Variants in ZNF646 observed in about 807,000 individuals in gnomAD.
ZNF646 encodes zinc finger protein 646.
Under a neutral mutation model 115.4 loss-of-function variants are expected in ZNF646, and 49 were observed. The observed-to-expected ratio is 0.42, with a 90% CI of 0.34 to 0.54. The LOEUF (loss-of-function observed/expected upper bound fraction) is 0.54, where lower values mean the gene tolerates loss of function less well. ZNF646 is among the 20% of genes least tolerant of loss of function. The pLI is 0.04. For missense variants in ZNF646, 2,269 were observed against 2,457.9 expected (o/e 0.92, Z 1.62); for synonymous variants, 933 against 939.0 (o/e 0.99, Z 0.12).
upstream of ZNF646, chr16:31,073,358 G>C (rs898877458): frequency 6.6e-6 from 1 of 151,076 alleles, no homozygotes; most frequent in African/African-American, 2.4e-5. Flanking sequence ...CACGCGACCG[G>C]GACAAAAACC....
chr16:31,083,185 C>T lies in ZNF646; in HGVS notation c.*93C>T. ...TTTTCTCAGGAGTAGTTCGGGCATCCCCATATCTTCTCCTCTCCCCTTGTG... is the reference window on the plus strand; with the variant it reads ...TTTTCTCAGGAGTAGTTCGGGCATCTCCATATCTTCTCCTCTCCCCTTGTG... On this transcript the variant is annotated 3_prime_UTR_variant, in exon 3 of 3. Coordinates refer to ENST00000300850, the MANE Select transcript of ZNF646 (RefSeq NM_014699.4). The T allele has an allele frequency of 1.3e-6, 2 of 1,497,244 alleles. No homozygotes were observed. Among genetic ancestry groups the T allele is most frequent in the South Asian group, 1.3e-5 (1 of 74,530 alleles). 92.7% of individuals were successfully genotyped at this position (1,497,244 alleles called of 1,614,324 possible).
In ZNF646 at chr16:31,077,656, G is replaced by A. The variant is rs774545038; in HGVS notation, c.1332G>A (p.Leu444=). The part of the protein sequence containing the change: ...GQPSVPPAPL[L]LAETTHKEEE... ...CATCAGTCCCACCAGCTCCCCTGCT[G>A]CTGGCTGAGACCACCCACAAAGAGG... Residue 444 remains leucine, a synonymous_variant, in exon 2 of 3, where the codon CTG becomes CTA. Transcript: ENST00000300850. 6.2e-7 allele frequency: 1 copy of A among 1,614,032 alleles called. No homozygotes were observed. The highest frequency in any genetic ancestry group is 8.5e-7 in the Non-Finnish European group (1 of 1,180,004).
Position 31,081,681 on chromosome 16 carries a change from A to G in ZNF646, c.5357A>G (p.Glu1786Gly), listed in dbSNP as rs2057161508. The part of the protein sequence containing the change: ...FVQHQQQHQE[E>G]WTVAGSGAPV... Reference sequence around the variant, plus strand: ...CAGCACCAGCAGCAGCACCAGGAGGAGTGGACGGTGGCCGGCTCCGGTAGG... The same window carrying G: ...CAGCACCAGCAGCAGCACCAGGAGGGGTGGACGGTGGCCGGCTCCGGTAGG... Residue 1786 changes from glutamate to glycine, a missense_variant, in exon 2 of 3, where the codon GAG (glutamate) becomes GGG (glycine). This residue lies in a region of ZNF646 where 1,062 missense variants were observed against 1,172.8 expected (regional missense o/e 0.91). Transcript: ENST00000300850. 2 of 1,594,460 alleles carry G rather than the reference A, an allele frequency of 1.3e-6. No homozygotes were observed.
At position 31,075,269 on chromosome 16, in the gene ZNF646, G is replaced by A. The variant is rs75828988; in HGVS notation, c.-80+638G>A. On this transcript the variant is annotated intron_variant, in intron 1 of 2. Coordinates refer to ENST00000300850, the MANE Select transcript of ZNF646 (RefSeq NM_014699.4). ...AGATAGTTTGAGTTCAAGGGAAGTA[G>A]ATAAAAGAAGTCGCTAAGAGAGTCT... 1.2e-3 allele frequency among the ~76,000 whole-genome samples: 179 copies of A among 152,288 alleles called. 1 individual carries two copies. The highest frequency in any genetic ancestry group is 2.7e-3 in the Admixed American group (42 of 15,300).
In ZNF646 at chr16:31,081,142, T is replaced by C; in HGVS notation, c.4818T>C (p.Ala1606=). ...SHQELASHLQ[A]HARGHSQVPA... ...AGGAACTGGCCAGCCACCTGCAGGCTCATGCCCGGGGCCACAGCCAGGTGC... is the reference window on the plus strand; with the variant it reads ...AGGAACTGGCCAGCCACCTGCAGGCCCATGCCCGGGGCCACAGCCAGGTGC... The change falls in exon 2 of 3, where the codon GCT becomes GCC. Residue 1606 remains alanine, a synonymous_variant. Coordinates refer to ENST00000300850, the MANE Select transcript of ZNF646 (RefSeq NM_014699.4). 6.2e-7 allele frequency: 1 copy of C among 1,604,456 alleles called. No homozygotes were observed. Among genetic ancestry groups the C allele is most frequent in the Non-Finnish European group, 8.5e-7 (1 of 1,173,898 alleles).
Position 31,080,983 on chromosome 16 carries a change from G to A in ZNF646, c.4659G>A (p.Lys1553=), listed in dbSNP as rs752801120. 5.0e-6 allele frequency: 8 copies of A among 1,614,100 alleles called. No individual in the cohort carries two copies. In the South Asian group the frequency reaches 8.8e-5, roughly 18 times the overall value. ...SGSLLNHNTN[K]TDRHYCLLCS... ...GCCTCTTGAACCACAACACCAACAA[G>A]ACAGACCGACACTATTGCCTGCTCT... The change falls in exon 2 of 3, where the codon AAG becomes AAA. Residue 1553 remains lysine (K), a synonymous_variant. Transcript: ENST00000300850.
chr16:31,081,664 G>T lies in ZNF646; in HGVS notation c.5340G>T (p.Gln1780His). The T allele has an allele frequency of 6.2e-7, 1 of 1,602,540 alleles. No homozygotes were observed. The highest frequency in any genetic ancestry group is 8.5e-7 in the Non-Finnish European group (1 of 1,173,398). Reference sequence around the variant, plus strand: ...GCCGAATCAGCTTCGTGCAGCACCAGCAGCAGCACCAGGAGGAGTGGACGG... The same window carrying T: ...GCCGAATCAGCTTCGTGCAGCACCATCAGCAGCACCAGGAGGAGTGGACGG... ...FRRRISFVQH[Q>H]QQHQEEWTVA... Residue 1780 changes from glutamine to histidine, a missense_variant, in exon 2 of 3, where the codon CAG becomes CAT. Gln to His is a conservative substitution (Grantham distance 24, BLOSUM62 0). Coordinates refer to ENST00000300850, the MANE Select transcript of ZNF646 (RefSeq NM_014699.4).
Position 31,078,884 on chromosome 16 carries a change from C to T in ZNF646, c.2560C>T (p.Pro854Ser). The change falls in exon 2 of 3, where the codon CCG becomes TCG. Residue 854 changes from proline to serine, a missense_variant. Pro to Ser is a moderately conservative substitution (Grantham distance 74, BLOSUM62 -1). This residue lies in a region of ZNF646 where 852 missense variants were observed against 900.2 expected (regional missense o/e 0.95). Transcript: ENST00000300850. ...PPGIYQCSLC[P>S]KEFDSLPALR... is the part of the protein sequence containing the mutation. ...AGGCATCTATCAGTGCTCCCTCTGCCCGAAGGAGTTTGACTCTCTGCCTGC... is the reference window on the plus strand; with the variant it reads ...AGGCATCTATCAGTGCTCCCTCTGCTCGAAGGAGTTTGACTCTCTGCCTGC... 6.2e-7 allele frequency: 1 copy of T among 1,613,966 alleles called. No homozygotes were observed. Among genetic ancestry groups the T allele is most frequent in the Non-Finnish European group, 8.5e-7 (1 of 1,180,036 alleles).
At position 31,079,607 on chromosome 16, in the gene ZNF646, C is replaced by T. The variant is rs148231180; in HGVS notation, c.3283C>T (p.Arg1095Cys). Residue 1095 changes from arginine (R) to cysteine (C), a missense_variant, in exon 2 of 3, where the codon CGT becomes TGT. By Grantham distance (180) the Arg-to-Cys change is radical. This residue lies in a region of ZNF646 where 1,062 missense variants were observed against 1,172.8 expected (regional missense o/e 0.91). Coordinates refer to ENST00000300850, the MANE Select transcript of ZNF646 (RefSeq NM_014699.4). The surrounding 1 kb of genome is among the most constrained non-coding windows in gnomAD (Gnocchi z 5.5). ...SRCYPNLAAY[R>C]NHLRNHPRCK... is the part of the protein sequence containing the mutation. ...CTGCTACCCCAACCTGGCTGCCTACCGTAATCATCTGCGGAACCACCCTCG... is the reference window on the plus strand; with the variant it reads ...CTGCTACCCCAACCTGGCTGCCTACTGTAATCATCTGCGGAACCACCCTCG... The T allele has an allele frequency of 9.5e-5, 154 of 1,613,380 alleles. No homozygotes were observed. In the East Asian group the frequency reaches 2.0e-3, roughly 21 times the overall value.
At chr16:31,075,459 G>A (rs142109994) in intron 1 of ZNF646, among the ~76,000 whole-genome samples, 74 of 152,144 alleles carry the variant, frequency 4.9e-4, no homozygotes, top group African/African-American at 1.6e-3. Flanking sequence ...CACCACGCCC[G>A]GCTAATTTTT....
chr16:31,080,607 A>G lies in ZNF646; in HGVS notation c.4283A>G (p.His1428Arg). The change falls in exon 2 of 3, where the codon CAC (histidine) becomes CGC (arginine). Residue 1428 changes from histidine to arginine, a missense_variant. Physicochemically the swap from His to Arg is conservative, Grantham distance 29. Transcript: ENST00000300850. ...TQLGGAEPVP[H>R]LEDGVPRPGE... ...TTGGGTGGTGCTGAGCCAGTACCCCACTTGGAGGATGGAGTCCCAAGGCCA... is the reference window on the plus strand; with the variant it reads ...TTGGGTGGTGCTGAGCCAGTACCCCGCTTGGAGGATGGAGTCCCAAGGCCA... 6.2e-7 allele frequency: 1 copy of G among 1,614,118 alleles called. No individual in the cohort carries two copies. The highest frequency in any genetic ancestry group is 8.5e-7 in the Non-Finnish European group (1 of 1,180,010).
At position 31,080,671 on chromosome 16, in the gene ZNF646, A is replaced by G; in HGVS notation, c.4347A>G (p.Ser1449=). The G allele has an allele frequency of 6.2e-7, 1 of 1,614,036 alleles. No individual in the cohort carries two copies. The highest frequency in any genetic ancestry group is 1.1e-5 in the South Asian group (1 of 91,084). The stretch of plus-strand genomic sequence containing the variant: ...AGAGCCCCATCAGGGCAGCAAGCTC[A>G]GAAGCCCCAGAGCCACTGTCCTGGG... ...RSQSPIRAAS[S]EAPEPLSWGA... is the part of the protein sequence containing the mutation. Residue 1449 remains serine (S), a synonymous_variant, in exon 2 of 3, where the codon TCA becomes TCG. Transcript: ENST00000300850.
rs762277884 is a variant in ZNF646 at position 31,077,544 on chromosome 16, C to A, written c.1220C>A (p.Ser407Tyr). The change falls in exon 2 of 3, where the codon TCT becomes TAT. Residue 407 changes from serine (S) to tyrosine (Y), a missense_variant. Physicochemically the swap from Ser to Tyr is moderately radical, Grantham distance 144. This residue lies in a region of ZNF646 where 852 missense variants were observed against 900.2 expected (regional missense o/e 0.95). Transcript: ENST00000300850. ...GGTGTCTACCCCTGCTCACTCTGTT[C>A]TAAGCAGCTGTTCAATGCGGCTGCC... is the stretch of plus-strand genomic sequence containing the variant. ...QTGVYPCSLC[S>Y]KQLFNAAALK... is the part of the protein sequence containing the mutation. The A allele has an allele frequency of 6.2e-7, 1 of 1,613,480 alleles. No individual in the cohort carries two copies. Among genetic ancestry groups the A allele is most frequent in the South Asian group, 1.1e-5 (1 of 91,016 alleles).
Position 31,076,835 on chromosome 16 carries a change from A to G in ZNF646, c.511A>G (p.Arg171Gly). ...GTGGGAAGATCTGCCCACCAGACAA[A>G]GAGAAGGCTTGGCAAGCCACCCAGG... Reference protein sequence around the residue: ...GTWEDLPTRQREGLASHPGPE... With the variant: ...GTWEDLPTRQGEGLASHPGPE... Residue 171 changes from arginine (R) to glycine (G), a missense_variant, in exon 2 of 3, where the codon AGA (arginine) becomes GGA (glycine). Physicochemically the swap from Arg to Gly is moderately radical, Grantham distance 125. Around this residue, in one of 5 missense-constraint regions of ZNF646, gnomAD observed 334 missense variants for 323.5 expected, o/e 1.03. Transcript: ENST00000300850. The G allele has an allele frequency of 6.2e-7, 1 of 1,614,120 alleles. No individual in the cohort carries two copies. Among genetic ancestry groups the G allele is most frequent in the Non-Finnish European group, 8.5e-7 (1 of 1,180,026 alleles).
rs2057073989 is a variant in ZNF646 at position 31,076,271 on chromosome 16, G to A, written c.-54G>A. On this transcript the variant is annotated 5_prime_UTR_variant, in exon 2 of 3. It adds an upstream start codon to the 5' untranslated region. Transcript: ENST00000300850. The stretch of plus-strand genomic sequence containing the variant: ...GCCTTGGCCCCTCCACCAGAGGAAG[G>A]TGCTGCCACGTGTCTGCTCCTTCTG... The A allele has an allele frequency of 2.6e-6, 4 of 1,548,388 alleles. No individual in the cohort carries two copies. The highest frequency in any genetic ancestry group is 2.3e-5 in the East Asian group (1 of 44,030).
At position 31,079,271 on chromosome 16, in the gene ZNF646, G is replaced by A. The variant is rs1342752200; in HGVS notation, c.2947G>A (p.Gly983Arg). Reference sequence around the variant, plus strand: ...GCGTCACCACCAAAGTCAGAGTTCTGGGACTACTGCAGACAAGGCTCCCAG... The same window carrying A: ...GCGTCACCACCAAAGTCAGAGTTCTAGGACTACTGCAGACAAGGCTCCCAG... ...LERHHQSQSSGTTADKAPSPL... is the reference protein window; with the variant it reads ...LERHHQSQSSRTTADKAPSPL... The change falls in exon 2 of 3, where the codon GGG becomes AGG. Residue 983 changes from glycine (G) to arginine (R), a missense_variant. Physicochemically the swap from Gly to Arg is moderately radical, Grantham distance 125 (BLOSUM62 -2). Transcript: ENST00000300850. The surrounding 1 kb of genome is among the most constrained non-coding windows in gnomAD (Gnocchi z 5.5). The A allele has an allele frequency of 1.5e-5, 24 of 1,613,984 alleles. No individual in the cohort carries two copies. Among genetic ancestry groups the A allele is most frequent in the Non-Finnish European group, 2.0e-5 (24 of 1,179,980 alleles).
rs757102181 is a variant in ZNF646, at chr16:31,077,702, C to T, written c.1378C>T (p.Leu460=). ...HKEEEDPTTT[L]DHRPYKCSEC... Reference sequence around the variant, plus strand: ...AGAGGAAGAGGACCCCACCACCACCCTGGACCATCGGCCCTATAAGTGCAG... The same window carrying T: ...AGAGGAAGAGGACCCCACCACCACCTTGGACCATCGGCCCTATAAGTGCAG... The change falls in exon 2 of 3, where the codon CTG becomes TTG. Residue 460 remains leucine, a synonymous_variant. Coordinates refer to ENST00000300850, the MANE Select transcript of ZNF646 (RefSeq NM_014699.4). 1 of 1,614,066 alleles carries T rather than the reference C, an allele frequency of 6.2e-7. No homozygotes were observed. Among genetic ancestry groups the T allele is most frequent in the South Asian group, 1.1e-5 (1 of 91,086 alleles).
In ZNF646 at chr16:31,078,147, A is replaced by C; in HGVS notation, c.1823A>C (p.Glu608Ala). ...GAGEKENSRT[E>A]TTMSPPRAFA... The stretch of plus-strand genomic sequence containing the variant: ...GGGGAAAAGGAAAATAGCAGAACAG[A>C]GACCACAATGTCACCTCCTAGGGCC... Residue 608 changes from glutamate (E) to alanine (A), a missense_variant, in exon 2 of 3, where the codon GAG (glutamate) becomes GCG (alanine). Transcript: ENST00000300850. The C allele has an allele frequency of 6.2e-7, 1 of 1,614,102 alleles. No homozygotes were observed. Among genetic ancestry groups the C allele is most frequent in the Non-Finnish European group, 8.5e-7 (1 of 1,180,040 alleles).
Position 31,083,882 on chromosome 16 carries a change from C to G in ZNF646, c.*790C>G. ...GGTCCCTCCCTCCCTCCCCATTCCT[C>G]GAAGGAACAGGGTCTGTCTTGGCCG... On this transcript the variant is annotated 3_prime_UTR_variant, in exon 3 of 3. Transcript: ENST00000300850. The G allele has an allele frequency of 1.9e-6, 3 of 1,603,006 alleles. No homozygotes were observed. Among genetic ancestry groups the G allele is most frequent in the Non-Finnish European group, 2.6e-6 (3 of 1,173,970 alleles).
Sources: allele counts gnomAD v4.1 joint callset (sites outside exome capture counted in the v4.1 genomes callset), GRCh38; gene constraint gnomAD v4.1.1; regional missense constraint gnomAD v4.1.1; non-coding constraint Gnocchi (gnomAD v3.1); transcripts MANE v1.5; gene names NCBI Gene and HGNC (gene_info 2026-07-23, HGNC 2026-07-21).